The following CEP112 variants were observed in gnomAD, a reference collection of about 807,000 sequenced individuals.
The protein encoded by CEP112 is centrosomal protein 112, also known as centrosomal protein of 112 kDa.
A neutral mutation model predicts 153.0 loss-of-function variants in CEP112; 127 were observed. That is an observed-to-expected ratio of 0.83 (90% CI 0.72 to 0.96). CEP112 has a LOEUF of 0.96. Among genes scored for constraint, CEP112 ranks in the 40% least tolerant of loss-of-function variants. The pLI is 0.00. For synonymous variants in CEP112, 358 were observed against 374.4 expected, an observed-to-expected ratio of 0.96 and a Z score of 0.51; for missense variants, 1,089 against 1,101.2, an observed-to-expected ratio of 0.99 and a Z score of 0.16.
chr17:65,904,399 T>G (rs545587796), intron 19 of CEP112, among the ~76,000 whole-genome samples: 15 of 152,244 alleles, frequency 9.9e-5, no homozygotes, highest in Admixed American at 2.6e-4. Context: ...TTACAAGGGA[T>G]GTGAAAGACC....
intron 8 of CEP112, among the ~76,000 whole-genome samples, chr17:66,090,008 C>T (rs1195132629): frequency 1.3e-5 from 2 of 151,930 alleles, no homozygotes; most frequent in Non-Finnish European, 2.9e-5. Context: ...TCTTACAGTC[C>T]AGAAAAGAGT....
Position 65,700,353 on chromosome 17 carries a change from C to A in CEP112, c.2608-11135G>T, listed in dbSNP as rs562272111. ...CTATTACAATACCACATGAGCACTG[C>A]TAAAAAGAAGTCTTACCAAGCATTG... On this transcript the variant is annotated intron_variant, in intron 23 of 26. Transcript: ENST00000535342. Among the ~76,000 whole-genome samples the A allele has an allele frequency of 1.2e-4, 19 of 152,234 alleles. No homozygotes were observed. In the East Asian group the frequency reaches 3.7e-3, roughly 29 times the overall value.
At chr17:65,971,634 T>G (rs932387049) in intron 17 of CEP112, among the ~76,000 whole-genome samples, 3 of 150,346 alleles carry the variant, frequency 2.0e-5, no homozygotes, top group Non-Finnish European at 4.4e-5. Context: ...CCATGCATAT[T>G]GCGTTATATT....
intron 6 of CEP112, among the ~76,000 whole-genome samples, chr17:66,116,645 T>G: frequency 6.6e-6 from 1 of 152,212 alleles, no homozygotes; most frequent in Non-Finnish European, 1.5e-5. Flanking sequence ...TTGATGTTAC[T>G]GTCTAGCTTT....
chr17:66,022,854 A>G (rs1395841677), intron 16 of CEP112, among the ~76,000 whole-genome samples: 2 of 152,142 alleles, frequency 1.3e-5, no homozygotes, highest in Non-Finnish European at 2.9e-5. Context: ...AAACTTGCCA[A>G]TGAGACAGAT....
At chr17:65,666,670 A>G (rs1390266980) in intron 24 of CEP112, among the ~76,000 whole-genome samples, 1 of 152,236 alleles carries the variant, frequency 6.6e-6, no homozygotes, top group African/African-American at 2.4e-5. Flanking sequence ...CAATTTCCTG[A>G]AAACATAACG....
At chr17:65,651,753 T>G (rs760247933) in intron 24 of CEP112, among the ~76,000 whole-genome samples, 1 of 152,012 alleles carries the variant, frequency 6.6e-6, no homozygotes, top group Non-Finnish European at 1.5e-5. Flanking sequence ...CAGGCAGAAG[T>G]GCAGTGTCAT....
At chr17:66,127,974 C>T (rs925392618) in intron 6 of CEP112, among the ~76,000 whole-genome samples, 2 of 152,052 alleles carry the variant, frequency 1.3e-5, no homozygotes, top group African/African-American at 4.8e-5. Context: ...TTTCCCTCCT[C>T]CCAGCAATCA....
intron 17 of CEP112, among the ~76,000 whole-genome samples, chr17:65,976,729 C>CTTT (rs1377033565): frequency 1.0e-3 from 23 of 22,840 alleles, no homozygotes; most frequent in African/African-American, 2.1e-3. Flanking sequence ...AAACTTATAA[C>CTTT]TTTTTCTTTT....
intron 20 of CEP112, among the ~76,000 whole-genome samples, chr17:65,866,764 C>A (rs2058500339): frequency 6.6e-6 from 1 of 152,146 alleles, no homozygotes; most frequent in South Asian, 2.1e-4. Context: ...AGGAGCTACC[C>A]TCTCTGCTAA....
rs2145459142 is a variant in CEP112, at chr17:66,006,881, T to C, written c.1657-1112A>G. On this transcript the variant is annotated intron_variant, in intron 16 of 26. Transcript: ENST00000535342. ...AAGGTAAGGCTGAAAGTGAAACGAG[T>C]GGCCAACAGGTTTAAGAGAGAAACG... is the stretch of plus-strand genomic sequence containing the variant. Among the ~76,000 whole-genome samples, 4 of 151,940 alleles carry C rather than the reference T, an allele frequency of 2.6e-5. No individual in the cohort carries two copies. In the South Asian group the frequency reaches 8.3e-4, roughly 32 times the overall value.
chr17:65,824,443 T>C (rs2146045512), intron 21 of CEP112, among the ~76,000 whole-genome samples: 1 of 151,868 alleles, frequency 6.6e-6, no homozygotes, highest in South Asian at 2.1e-4. Flanking sequence ...TGGAGAAATG[T>C]TTGAGGTGAT....
At chr17:65,855,568 T>C (rs193182456) in intron 20 of CEP112, among the ~76,000 whole-genome samples, 2 of 152,298 alleles carry the variant, frequency 1.3e-5, no homozygotes, top group East Asian at 1.9e-4. Context: ...CTTGTCCTTC[T>C]ATAAGCTCAT....
intron 23 of CEP112, among the ~76,000 whole-genome samples, chr17:65,699,517 G>A (rs2048518339): frequency 6.6e-6 from 1 of 152,058 alleles, no homozygotes; most frequent in Admixed American, 6.5e-5. Context: ...TAGAGGGCTG[G>A]TCACCACTGT....
intron 20 of CEP112, among the ~76,000 whole-genome samples, chr17:65,877,226 G>C (rs1188450186): frequency 6.6e-6 from 1 of 152,228 alleles, no homozygotes; most frequent in Non-Finnish European, 1.5e-5. Context: ...CTAAGCCCAA[G>C]TGCAGGTGTG....
At chr17:66,001,250 A>G (rs1331340669) in intron 17 of CEP112, among the ~76,000 whole-genome samples, 1 of 152,156 alleles carries the variant, frequency 6.6e-6, no homozygotes, top group Non-Finnish European at 1.5e-5. Context: ...GACCACATGT[A>G]TGTCTTCTTT....
At chr17:66,057,764 C>CACAA (rs1470759259) in intron 11 of CEP112, among the ~76,000 whole-genome samples, 64 of 109,938 alleles carry the variant, frequency 5.8e-4, no homozygotes, top group Middle Eastern at 4.1e-3. Flanking sequence ...ACTCTACACA[C>CACAA]ACACACACAC....
At chr17:65,720,794 C>G (rs1277868699) in intron 23 of CEP112, among the ~76,000 whole-genome samples, 1 of 152,162 alleles carries the variant, frequency 6.6e-6, no homozygotes, top group Non-Finnish European at 1.5e-5. Context: ...AGACACTATT[C>G]CAATGCTTTT....
At chr17:65,989,206 G>A (rs1259692263) in intron 17 of CEP112, among the ~76,000 whole-genome samples, 3 of 146,500 alleles carry the variant, frequency 2.0e-5, no homozygotes, top group Non-Finnish European at 4.5e-5. Context: ...TTGCACTGCA[G>A]CCTGGGAGAC....
Sources: gnomAD v4.1 joint callset for allele counts (sites outside exome capture counted in the v4.1 genomes callset) on GRCh38, gnomAD v4.1.1 for gene constraint, MANE v1.5 for transcripts, NCBI Gene and HGNC (gene_info 2026-07-23, HGNC 2026-07-21) for gene names.